The following FAM120B variants were observed in gnomAD, a reference collection of about 807,000 sequenced individuals.
The protein encoded by FAM120B is constitutive coactivator of peroxisome proliferator-activated receptor gamma.
In FAM120B, 83 loss-of-function variants were observed where a neutral mutation model predicts 96.3. The ratio of observed to expected loss-of-function variants is 0.86; its 90% CI spans 0.72 to 1.03. FAM120B has a LOEUF of 1.03. Among genes scored for constraint, FAM120B ranks in the 50% least tolerant of loss-of-function variants. The pLI, the probability that FAM120B is intolerant of heterozygous loss-of-function variation, is 0.00. For missense variants in FAM120B, 1,027 were observed against 1,121.2 expected (o/e 0.92, Z 1.20); for synonymous variants, 407 against 402.7 (o/e 1.01, Z -0.13).
chr6:170,365,439 G>A (rs1422066362), intron 6 of FAM120B, among the ~76,000 whole-genome samples: 1 of 152,168 alleles, frequency 6.6e-6, no homozygotes, highest in African/African-American at 2.4e-5. Flanking sequence ...AACTAAAGTT[G>A]TGTCTTGGAC....
chr6:170,348,978 CT>C (rs1562553708), intron 5 of FAM120B, among the ~76,000 whole-genome samples: 2 of 152,116 alleles, frequency 1.3e-5, no homozygotes, highest in African/African-American at 4.8e-5. Flanking sequence ...TGGACTGTTT[CT>C]TTTGCATTAG....
intron 6 of FAM120B, among the ~76,000 whole-genome samples, chr6:170,371,259 G>T (rs574017140): frequency 5.1e-4 from 78 of 151,934 alleles, no homozygotes; most frequent in Non-Finnish European, 8.5e-4. Flanking sequence ...GTGGCCTTTC[G>T]TGTCTGGCAT....
intron 9 of FAM120B, among the ~76,000 whole-genome samples, chr6:170,397,309 C>T (rs918466302): frequency 6.6e-6 from 1 of 152,170 alleles, no homozygotes; most frequent in Non-Finnish European, 1.5e-5. Flanking sequence ...CTCCATCCCT[C>T]CCTCACTCTC....
intron 1 of FAM120B, among the ~76,000 whole-genome samples, chr6:170,307,655 G>A (rs1239307231): frequency 2.0e-5 from 3 of 152,180 alleles, no homozygotes; most frequent in Non-Finnish European, 4.4e-5. Flanking sequence ...TGTTGGTTAG[G>A]GATGGGGAAT....
At chr6:170,295,246 C>T (rs1783968951), upstream of FAM120B, 2 of 595,254 alleles carry the variant, frequency 3.4e-6, no homozygotes, top group South Asian at 3.9e-5. The surrounding 1 kb of genome is among the most constrained non-coding windows in gnomAD (Gnocchi z 7.8). Context: ...GACCTTACCC[C>T]CCAACACACA....
At chr6:170,400,825 G>T (rs1351530571) in intron 9 of FAM120B, among the ~76,000 whole-genome samples, 2 of 152,172 alleles carry the variant, frequency 1.3e-5, no homozygotes, top group Non-Finnish European at 2.9e-5. Flanking sequence ...ACCAAAGCCT[G>T]CAGGTGTGGC....
chr6:170,334,332 T>G (rs1475522630), intron 4 of FAM120B, among the ~76,000 whole-genome samples: 2 of 152,202 alleles, frequency 1.3e-5, no homozygotes, highest in African/African-American at 2.4e-5. Context: ...GAAGACTATT[T>G]TACAAAACGA....
chr6:170,382,146 T>C (rs1375747911), intron 6 of FAM120B, among the ~76,000 whole-genome samples: 1 of 151,964 alleles, frequency 6.6e-6, no homozygotes, highest in Non-Finnish European at 1.5e-5. Context: ...CTAGGTGGGG[T>C]GTGGTGGCTC....
chr6:170,318,488 C>T lies in FAM120B; in HGVS notation c.1098C>T (p.Pro366=), dbSNP rs542443578. The change falls in exon 2 of 11, where the codon CCC becomes CCT. Residue 366 remains proline, a synonymous_variant. Transcript: ENST00000476287. ...GCCCTGAATCCAGGCGAGAAGTTCC[C>T]GTGTATACAGATTCTGAACCCAGGC... The part of the protein sequence containing the change: ...CTGPESRREV[P]VYTDSEPRQE... 2.5e-5 allele frequency: 39 copies of T among 1,586,554 alleles called. No homozygotes were observed. The highest frequency in any genetic ancestry group is 2.9e-5 in the Non-Finnish European group (34 of 1,163,390).
rs148246931 is a variant in FAM120B at position 170,385,081 on chromosome 6, T to C, written c.2284-3206T>C. Among the ~76,000 whole-genome samples, 263 of 152,356 alleles carry C rather than the reference T, an allele frequency of 1.7e-3. 1 individual carries two copies. The highest frequency in any genetic ancestry group is 6.1e-3 in the African/African-American group (255 of 41,584). ...ATATGGGAAATCTACCAGAATTGAC[T>C]AGATGACAGCTCATAAAGCAAGCTT... On this transcript the variant is annotated intron_variant, in intron 6 of 10. Transcript: ENST00000476287.
intron 6 of FAM120B, among the ~76,000 whole-genome samples, chr6:170,368,773 T>G (rs1256154927): frequency 1.4e-5 from 2 of 141,236 alleles, no homozygotes; most frequent in African/African-American, 5.3e-5. Flanking sequence ...TTTTGGAAAC[T>G]TGATGTCCAA....
intron 1 of FAM120B, among the ~76,000 whole-genome samples, chr6:170,316,382 C>T (rs979751367): frequency 1.3e-5 from 2 of 152,180 alleles, no homozygotes; most frequent in Non-Finnish European, 2.9e-5. Flanking sequence ...TATCAAAGGA[C>T]ATAAAGCCTG....
At chr6:170,296,370 G>T (rs1402918696) in intron 1 of FAM120B, among the ~76,000 whole-genome samples, 1 of 152,120 alleles carries the variant, frequency 6.6e-6, no homozygotes, top group African/African-American at 2.4e-5. Context: ...ATTACGAGGG[G>T]CACCAGTGCA....
chr6:170,398,126 T>C (rs1373615651), intron 9 of FAM120B, among the ~76,000 whole-genome samples: 2 of 152,232 alleles, frequency 1.3e-5, no homozygotes, highest in Non-Finnish European at 2.9e-5. Flanking sequence ...GAGGAAACTG[T>C]AAAGAGTGTG....
At chr6:170,341,930 C>A (rs1786866933) in intron 4 of FAM120B, among the ~76,000 whole-genome samples, 1 of 152,222 alleles carries the variant, frequency 6.6e-6, no homozygotes, top group Non-Finnish European at 1.5e-5. Context: ...ACTTGGCCAT[C>A]TTGCCAGATC....
chr6:170,330,541 A>G lies in FAM120B; in HGVS notation c.2008A>G (p.Thr670Ala). The G allele has an allele frequency of 6.2e-7, 1 of 1,613,526 alleles. No homozygotes were observed. The highest frequency in any genetic ancestry group is 1.1e-5 in the South Asian group (1 of 91,056). Residue 670 changes from threonine (T) to alanine (A), a missense_variant, in exon 4 of 11, where the codon ACC (threonine) becomes GCC (alanine). Transcript: ENST00000476287. ...HPDLVRPLQM[T>A]IPGGTPSLKI... The stretch of plus-strand genomic sequence containing the variant: ...GGACCTCGTCAGGCCGCTGCAGATG[A>G]CCATTCCAGGTACAGGCAGCCTTTC...
intron 6 of FAM120B, among the ~76,000 whole-genome samples, chr6:170,372,767 G>A (rs996412536): frequency 1.5e-4 from 23 of 152,176 alleles, no homozygotes; most frequent in African/African-American, 5.5e-4. Flanking sequence ...CTGCACTGGC[G>A]CTCGCTTACG....
intron 8 of FAM120B, among the ~76,000 whole-genome samples, chr6:170,392,922 C>T (rs1375347442): frequency 1.3e-5 from 2 of 152,168 alleles, no homozygotes; most frequent in African/African-American, 4.8e-5. Context: ...TATAGATAGA[C>T]AGAGATTGAG....
intron 6 of FAM120B, among the ~76,000 whole-genome samples, chr6:170,369,906 A>G (rs1789071131): frequency 6.6e-6 from 1 of 152,092 alleles, no homozygotes; most frequent in African/African-American, 2.4e-5. Flanking sequence ...ATGTCCATAA[A>G]TCTTATACTT....
Sources: allele counts gnomAD v4.1 joint callset (sites outside exome capture counted in the v4.1 genomes callset), GRCh38; gene constraint gnomAD v4.1.1; non-coding constraint Gnocchi (gnomAD v3.1); transcripts MANE v1.5; gene names NCBI Gene and HGNC (gene_info 2026-07-23, HGNC 2026-07-21).